The following MEIKIN variants were observed in gnomAD, a reference collection of about 807,000 sequenced individuals.
MEIKIN encodes meiosis-specific kinetochore protein.
chr5:131,864,883 T>C (rs1465273640), intron 9 of MEIKIN, among the ~76,000 whole-genome samples: 5 of 152,238 alleles, frequency 3.3e-5, no homozygotes, highest in South Asian at 2.1e-4. Flanking sequence ...TAGTGTTCCA[T>C]AGTTATGAAG....
chr5:131,846,655 T>C (rs1043636947), intron 11 of MEIKIN, among the ~76,000 whole-genome samples: 63 of 152,130 alleles, frequency 4.1e-4, no homozygotes, highest in Admixed American at 6.6e-5. Flanking sequence ...ACCCTGTCTC[T>C]ACAAAAAATA....
At chr5:131,866,390 C>G (rs538572095) in intron 9 of MEIKIN, among the ~76,000 whole-genome samples, 2 of 152,304 alleles carry the variant, frequency 1.3e-5, no homozygotes, top group East Asian at 3.9e-4. Flanking sequence ...TGCCTTTAGG[C>G]CCCCTCATGG....
intron 12 of MEIKIN, among the ~76,000 whole-genome samples, chr5:131,811,156 A>C (rs2149600079): frequency 6.6e-6 from 1 of 152,250 alleles, no homozygotes; most frequent in South Asian, 2.1e-4. Context: ...AAGGGCAGTT[A>C]TCTCTGTAAA....
At chr5:131,926,553 T>G (rs1459687106) in intron 5 of MEIKIN, among the ~76,000 whole-genome samples, 1 of 152,208 alleles carries the variant, frequency 6.6e-6, no homozygotes, top group Non-Finnish European at 1.5e-5. Context: ...CCTTAAAGAA[T>G]TAGTTTGAAA....
intron 9 of MEIKIN, among the ~76,000 whole-genome samples, chr5:131,876,006 A>G (rs1347025330): frequency 6.6e-6 from 1 of 152,238 alleles, no homozygotes; most frequent in Non-Finnish European, 1.5e-5. Context: ...AAGATGGATT[A>G]AAGACTTACA....
intron 11 of MEIKIN, among the ~76,000 whole-genome samples, chr5:131,836,045 C>G (rs907304556): frequency 6.6e-6 from 1 of 152,140 alleles, no homozygotes; most frequent in Non-Finnish European, 1.5e-5. Context: ...TCCTCTCCCT[C>G]CTCCCACTCT....
intron 9 of MEIKIN, among the ~76,000 whole-genome samples, chr5:131,870,093 A>C (rs28613148): frequency 0.083 from 12,632 of 151,956 alleles, 1,124 homozygotes; most frequent in African/African-American, 0.23. Context: ...AGAAACAATA[A>C]ACTCTTGAGA....
intron 11 of MEIKIN, among the ~76,000 whole-genome samples, chr5:131,836,703 A>G (rs1749814787): frequency 2.0e-5 from 3 of 151,030 alleles, no homozygotes; most frequent in Admixed American, 6.6e-5. Context: ...TCGTCTTCTT[A>G]AAAGTGTCTG....
intron 8 of MEIKIN, among the ~76,000 whole-genome samples, chr5:131,892,478 C>G (rs542028248): frequency 6.6e-6 from 1 of 152,330 alleles, no homozygotes; most frequent in African/African-American, 2.4e-5. Context: ...TCTTCCATCA[C>G]TGATACCCGT....
At chr5:131,830,896 G>T (rs1749703026) in intron 11 of MEIKIN, among the ~76,000 whole-genome samples, 1 of 151,442 alleles carries the variant, frequency 6.6e-6, no homozygotes, top group South Asian at 2.1e-4. Context: ...ATCTGAGGAG[G>T]ACTTTGGTTT....
chr5:131,835,995 C>T (rs1275315808), intron 11 of MEIKIN, among the ~76,000 whole-genome samples: 1 of 152,134 alleles, frequency 6.6e-6, no homozygotes, highest in African/African-American at 2.4e-5. Context: ...ATTTTGTCAT[C>T]CAGGTATTAG....
intron 9 of MEIKIN, among the ~76,000 whole-genome samples, chr5:131,871,516 G>A (rs904297321): frequency 6.6e-6 from 1 of 152,222 alleles, no homozygotes; most frequent in Non-Finnish European, 1.5e-5. Flanking sequence ...GAACTGGGTG[G>A]AGCCCACCAC....
At chr5:131,811,943 T>A (rs1418698034) in intron 12 of MEIKIN, among the ~76,000 whole-genome samples, 2 of 152,206 alleles carry the variant, frequency 1.3e-5, no homozygotes, top group South Asian at 2.1e-4. Flanking sequence ...TGTACACATA[T>A]GTACAGCTTG....
At position 131,813,588 on chromosome 5, in the gene MEIKIN, G is replaced by A. The variant is rs192728819; in HGVS notation, c.1099+5152C>T. The stretch of plus-strand genomic sequence containing the variant: ...ACTACAGGCACCCGCCACCATGCCC[G>A]GCTAATTTTTTTGTATTTTTAGTAG... On this transcript the variant is annotated intron_variant, in intron 12 of 12. Transcript: ENST00000442687. Among the ~76,000 whole-genome samples the A allele has an allele frequency of 3.0e-3, 459 of 151,982 alleles. 7 individuals carry two copies. The highest frequency in any genetic ancestry group is 3.5e-3 in the Non-Finnish European group (235 of 67,946).
chr5:131,881,076 T>C (rs1181551816), intron 8 of MEIKIN, among the ~76,000 whole-genome samples: 1 of 152,224 alleles, frequency 6.6e-6, no homozygotes, highest in Non-Finnish European at 1.5e-5. Context: ...TTGAGAGCTC[T>C]GTAGGAGATA....
intron 12 of MEIKIN, among the ~76,000 whole-genome samples, chr5:131,809,145 T>C (rs777887843): frequency 1.3e-5 from 2 of 152,188 alleles, no homozygotes; most frequent in South Asian, 2.1e-4. Flanking sequence ...CTATAAACTT[T>C]ATAAAGACAA....
At chr5:131,887,690 T>G (rs929975269) in intron 8 of MEIKIN, among the ~76,000 whole-genome samples, 6 of 151,982 alleles carry the variant, frequency 3.9e-5, no homozygotes, top group African/African-American at 2.4e-5. Context: ...GTTTTTTTCT[T>G]GTAAATTTGT....
chr5:131,824,726 T>C (rs192507001), intron 11 of MEIKIN, among the ~76,000 whole-genome samples: 89 of 152,164 alleles, frequency 5.8e-4, no homozygotes, highest in African/African-American at 2.0e-3. Flanking sequence ...GAACAGAGGT[T>C]CAACGATATG....
At chr5:131,917,098 T>G (rs1298015214) in intron 6 of MEIKIN, among the ~76,000 whole-genome samples, 173 bp from the exon 7 acceptor site, 1 of 152,156 alleles carries the variant, frequency 6.6e-6, no homozygotes, top group Non-Finnish European at 1.5e-5. Flanking sequence ...AGTAAAAAAA[T>G]GCTGCAAAAT....
Sources: gnomAD v4.1 joint callset for allele counts (sites outside exome capture counted in the v4.1 genomes callset) on GRCh38, gnomAD v4.1.1 for gene constraint, MANE v1.5 for transcripts, NCBI Gene and HGNC (gene_info 2026-07-23, HGNC 2026-07-21) for gene names.